MICAL3: variants seen among roughly 807,000 people sequenced by gnomAD.
The protein encoded by MICAL3 is [F-actin]-monooxygenase MICAL3.
In MICAL3, 62 loss-of-function variants were observed where a neutral mutation model predicts 207.4. That is an observed-to-expected ratio of 0.30 (90% CI 0.24 to 0.37). The LOEUF (loss-of-function observed/expected upper bound fraction) is 0.37, where lower values mean the gene tolerates loss of function less well. MICAL3 is among the 10% of genes least tolerant of loss of function. The pLI, the probability that MICAL3 is intolerant of heterozygous loss-of-function variation, is 1.00. For missense variants in MICAL3, 2,368 were observed against 2,635.6 expected (o/e 0.90, Z 2.22); for synonymous variants, 1,077 against 1,069.3 (o/e 1.01, Z -0.14).
chr22:17,971,187 G>A (rs754022442), intron 1 of MICAL3, among the ~76,000 whole-genome samples: 1 of 151,448 alleles, frequency 6.6e-6, no homozygotes, highest in African/African-American at 2.4e-5. Context: ...AGAAAAAAAG[G>A]GGGGGGCTGG....
Position 17,808,833 on chromosome 22 carries a change from C to T in MICAL3, c.5650+11G>A. 7 of 1,550,854 alleles carry T rather than the reference C, an allele frequency of 4.5e-6. No homozygotes were observed. Among genetic ancestry groups the T allele is most frequent in the African/African-American group, 4.1e-5 (3 of 73,194 alleles). On this transcript the variant is annotated intron_variant, in intron 29 of 31. Transcript: ENST00000441493. ...TCCAGGAGCAGAGCTTAGGAGGGAG[C>T]CCGGCAGTACCTGCTTCGCCCCGGA...
intron 1 of MICAL3, among the ~76,000 whole-genome samples, chr22:17,907,217 A>AGG: frequency 7.6e-6 from 1 of 131,676 alleles, no homozygotes; most frequent in Non-Finnish European, 1.7e-5. Flanking sequence ...ATTGGTGGTG[A>AGG]AGGGGGGGGG....
intron 1 of MICAL3, among the ~76,000 whole-genome samples, chr22:17,956,176 G>A (rs1292918793): frequency 6.6e-5 from 10 of 152,192 alleles, no homozygotes. Flanking sequence ...CATGTTCAAG[G>A]GTGCTGCATG....
At chr22:17,915,784 C>T (rs991983440) in intron 1 of MICAL3, among the ~76,000 whole-genome samples, 7 of 151,940 alleles carry the variant, frequency 4.6e-5, no homozygotes, top group Admixed American at 1.3e-4. Context: ...CTCAAGGATT[C>T]GATTTCTGTG....
chr22:17,795,916 T>C lies in MICAL3; in HGVS notation c.5651-4615A>G, dbSNP rs1409842493. On this transcript the variant is annotated intron_variant, in intron 29 of 31. Coordinates refer to ENST00000441493, the MANE Select transcript of MICAL3 (RefSeq NM_015241.3). ...GCATGGGGCGGGGGTGGGGGGTTTATAGTAAATGCTTTGCCTTTTAGGGGG... is the reference window on the plus strand; with the variant it reads ...GCATGGGGCGGGGGTGGGGGGTTTACAGTAAATGCTTTGCCTTTTAGGGGG... Among the ~76,000 whole-genome samples, 5 of 147,066 alleles carry C rather than the reference T, an allele frequency of 3.4e-5. No individual in the cohort carries two copies. The East Asian group carries it at 1.1e-3, about 31-fold the overall frequency.
intron 16 of MICAL3, among the ~76,000 whole-genome samples, chr22:17,884,599 C>T (rs1929717468): frequency 6.6e-6 from 1 of 152,200 alleles, no homozygotes; most frequent in Non-Finnish European, 1.5e-5. Flanking sequence ...CTGTAATACG[C>T]ATCATCTCTT....
At position 18,008,193 on chromosome 22, in the gene MICAL3, C is replaced by T. The variant is rs114790388; in HGVS notation, c.-75+16088G>A. 7.8e-3 allele frequency among the ~76,000 whole-genome samples: 1,187 copies of T among 152,144 alleles called. 10 individuals carry two copies. The highest frequency in any genetic ancestry group is 0.027 in the African/African-American group (1,127 of 41,478). On this transcript the variant is annotated intron_variant, in intron 1 of 31. Transcript: ENST00000441493. Reference sequence around the variant, plus strand: ...AGGTGGAGATTGCAGTAGCAGAGATCGTGCCATTGCACTCCAGCCTGGGTA... The same window carrying T: ...AGGTGGAGATTGCAGTAGCAGAGATTGTGCCATTGCACTCCAGCCTGGGTA...
At chr22:17,813,373 C>T (rs983341226) in intron 27 of MICAL3, 3 of 152,226 alleles carry the variant, frequency 2.0e-5, no homozygotes, top group South Asian at 2.1e-4. Flanking sequence ...ACCACAGCCG[C>T]GCTCCCTGTT....
intron 1 of MICAL3, among the ~76,000 whole-genome samples, chr22:17,957,583 C>A (rs187372609): frequency 6.6e-6 from 1 of 151,756 alleles, no homozygotes; most frequent in East Asian, 1.9e-4. Context: ...TGGTCGCGTG[C>A]GCCTGTAATC....
Position 17,790,725 on chromosome 22 carries a change from T to TGGGAGC in MICAL3, c.*1_*6dup. 2 of 1,586,346 alleles carry TGGGAGC rather than the reference T, an allele frequency of 1.3e-6. No homozygotes were observed. The highest frequency in any genetic ancestry group is 1.7e-6 in the Non-Finnish European group (2 of 1,165,602). ...TGCCAACAGAAAATGGAGCGTTGGG[T>TGGGAGC]GGGAGCTCAGGACCAGTTAAGGCTG... On this transcript the variant is annotated 3_prime_UTR_variant, in exon 32 of 32. Transcript: ENST00000441493.
At chr22:17,953,516 G>A (rs1934450968) in intron 1 of MICAL3, among the ~76,000 whole-genome samples, 1 of 152,118 alleles carries the variant, frequency 6.6e-6, no homozygotes, top group Non-Finnish European at 1.5e-5. Flanking sequence ...ACTCTACCTT[G>A]GCTGTCCTGC....
At chr22:17,935,933 C>T (rs532077729) in intron 1 of MICAL3, among the ~76,000 whole-genome samples, 25 of 152,120 alleles carry the variant, frequency 1.6e-4, no homozygotes, top group Non-Finnish European at 1.2e-4. Context: ...ACAATAGATG[C>T]TGGAGAGGAT....
chr22:17,812,115 A>C (rs1370443408), intron 27 of MICAL3, among the ~76,000 whole-genome samples: 1 of 152,064 alleles, frequency 6.6e-6, no homozygotes, highest in Admixed American at 6.5e-5. Flanking sequence ...CATAATCTTC[A>C]CTCGAAGAGC....
At chr22:17,890,284 G>A (rs1303125823) in intron 12 of MICAL3, among the ~76,000 whole-genome samples, 11 of 151,946 alleles carry the variant, frequency 7.2e-5, no homozygotes, top group African/African-American at 2.4e-4. Context: ...ACAGTGCCGC[G>A]CTGTCCCTGT....
intron 16 of MICAL3, among the ~76,000 whole-genome samples, chr22:17,878,845 C>T (rs1436670731): frequency 6.6e-6 from 1 of 152,124 alleles, no homozygotes; most frequent in Non-Finnish European, 1.5e-5. Context: ...CATCACCTAC[C>T]TTTCTCCCCC....
chr22:17,836,440 G>A (rs1923378403), intron 20 of MICAL3, among the ~76,000 whole-genome samples: 1 of 152,210 alleles, frequency 6.6e-6, no homozygotes, highest in Non-Finnish European at 1.5e-5. Flanking sequence ...TCCACACGGA[G>A]TCATGCTGTG....
intron 1 of MICAL3, among the ~76,000 whole-genome samples, chr22:17,942,440 G>A (rs895777542): frequency 5.9e-5 from 9 of 152,204 alleles, no homozygotes; most frequent in Non-Finnish European, 1.0e-4. Context: ...TCCACTTAGC[G>A]GAGTGGTGTG....
intron 19 of MICAL3, among the ~76,000 whole-genome samples, chr22:17,856,259 A>G (rs1159550072): frequency 4.6e-5 from 7 of 152,218 alleles, no homozygotes; most frequent in Admixed American, 4.6e-4. Flanking sequence ...TTTACTGTCA[A>G]TTTTTATTTG....
At chr22:17,992,855 C>G (rs1226037050) in intron 1 of MICAL3, among the ~76,000 whole-genome samples, 1 of 152,142 alleles carries the variant, frequency 6.6e-6, no homozygotes, top group African/African-American at 2.4e-5. Context: ...TGGCCCTTTA[C>G]CTCACTGGAA....
Sources: gnomAD v4.1 joint callset for allele counts (sites outside exome capture counted in the v4.1 genomes callset) on GRCh38, gnomAD v4.1.1 for gene constraint, MANE v1.5 for transcripts, NCBI Gene and HGNC (gene_info 2026-07-23, HGNC 2026-07-21) for gene names.